Variants in MAPKAP1 observed in about 807,000 individuals in gnomAD.
The protein encoded by MAPKAP1 is target of rapamycin complex 2 subunit MAPKAP1.
A neutral mutation model predicts 65.7 loss-of-function variants in MAPKAP1; 20 were observed. The observed-to-expected ratio is 0.30, with a 90% CI of 0.21 to 0.44. MAPKAP1 has a LOEUF of 0.44. Among genes scored for constraint, MAPKAP1 ranks in the 20% least tolerant of loss-of-function variants. The pLI, the probability that MAPKAP1 is intolerant of heterozygous loss-of-function variation, is 1.00. For synonymous variants in MAPKAP1, 222 were observed against 244.3 expected, an observed-to-expected ratio of 0.91 and a Z score of 0.85; for missense variants, 423 against 648.0, an observed-to-expected ratio of 0.65 and a Z score of 3.77.
intron 7 of MAPKAP1, among the ~76,000 whole-genome samples, chr9:125,508,610 G>A (rs188232282): frequency 2.6e-4 from 39 of 152,246 alleles, no homozygotes; most frequent in Admixed American, 4.6e-4. Flanking sequence ...CAGCGCTTTG[G>A]GGGAGCCAAG....
At chr9:125,698,333 A>G (rs1835490954) in intron 1 of MAPKAP1, among the ~76,000 whole-genome samples, 1 of 105,448 alleles carries the variant, frequency 9.5e-6, no homozygotes, top group Non-Finnish European at 1.9e-5. Context: ...ATATATATAT[A>G]TATAAAATAT....
At chr9:125,674,208 T>G (rs1404056335) in intron 1 of MAPKAP1, among the ~76,000 whole-genome samples, 1 of 151,876 alleles carries the variant, frequency 6.6e-6, no homozygotes, top group African/African-American at 2.4e-5. Flanking sequence ...CAGGAGATAA[T>G]GCAGGTAAAA....
intron 1 of MAPKAP1, among the ~76,000 whole-genome samples, chr9:125,691,133 C>T (rs982502778): frequency 7.2e-5 from 11 of 151,994 alleles, no homozygotes; most frequent in East Asian, 1.9e-4. Flanking sequence ...TGGTGGCGGG[C>T]GCCTGTAGTC....
chr9:125,609,153 C>A (rs1832524963), intron 4 of MAPKAP1, among the ~76,000 whole-genome samples: 1 of 152,142 alleles, frequency 6.6e-6, no homozygotes, highest in Non-Finnish European at 1.5e-5. Context: ...GCAACTGTGT[C>A]ATTTTTTAAT....
Position 125,439,904 on chromosome 9 carries a change from G to A in MAPKAP1, c.1444-892C>T, listed in dbSNP as rs1354977042. ...AGGAATGGGGCTGAGTATCAGGGAGGTGTGGAGGAGGGAAGGCTTCCAGAG... is the reference window on the plus strand; with the variant it reads ...AGGAATGGGGCTGAGTATCAGGGAGATGTGGAGGAGGGAAGGCTTCCAGAG... On this transcript the variant is annotated intron_variant, in intron 11 of 11. Coordinates refer to ENST00000265960, the MANE Select transcript of MAPKAP1 (RefSeq NM_001006617.3). The surrounding 1 kb of genome is among the most constrained non-coding windows in gnomAD (Gnocchi z 4.0). 6.6e-6 allele frequency among the ~76,000 whole-genome samples: 1 copy of A among 152,264 alleles called. No homozygotes were observed. The highest frequency in any genetic ancestry group is 6.5e-5 in the Admixed American group (1 of 15,292).
intron 4 of MAPKAP1, among the ~76,000 whole-genome samples, chr9:125,624,646 C>T (rs1432820431): frequency 3.1e-3 from 203 of 65,620 alleles, no homozygotes; most frequent in Admixed American, 5.9e-3. Context: ...CGGCCAGCCG[C>T]CCCGTCCGGG....
intron 10 of MAPKAP1, among the ~76,000 whole-genome samples, chr9:125,445,240 CA>C: frequency 6.6e-6 from 1 of 152,332 alleles, no homozygotes; most frequent in South Asian, 2.1e-4. Context: ...CTCCATTCTC[CA>C]TGCCCCGTCC....
chr9:125,576,976 G>GCC (rs1831426651), intron 5 of MAPKAP1, among the ~76,000 whole-genome samples: 1 of 151,264 alleles, frequency 6.6e-6, no homozygotes, highest in Admixed American at 6.6e-5. Context: ...CTGCCTGGCC[G>GCC]CCCATCGTCT....
intron 1 of MAPKAP1, among the ~76,000 whole-genome samples, chr9:125,698,316 T>A (rs796993595): frequency 0.29 from 25,178 of 86,598 alleles, 4,169 homozygotes; most frequent in Middle Eastern, 0.38. Flanking sequence ...TATATATATA[T>A]ATATATATAT....
intron 7 of MAPKAP1, among the ~76,000 whole-genome samples, chr9:125,529,177 G>GAAA (rs764136309): frequency 1.0e-5 from 1 of 99,756 alleles, no homozygotes; most frequent in Non-Finnish European, 1.9e-5. Context: ...TCTATCTCAG[G>GAAA]AAAAAAAAAA....
At position 125,663,545 on chromosome 9, in the gene MAPKAP1, C is replaced by T. The variant is rs374400887; in HGVS notation, c.350-5746G>A. ...TGTTTACTGTTTATCTACCCCCAAT[C>T]GAATATAAGCCCCATGAAGACAAGG... On this transcript the variant is annotated intron_variant, in intron 3 of 11. Transcript: ENST00000265960. Among the ~76,000 whole-genome samples, 4 of 152,244 alleles carry T rather than the reference C, an allele frequency of 2.6e-5. No individual in the cohort carries two copies. The East Asian group carries it at 7.7e-4, about 29-fold the overall frequency.
At chr9:125,613,826 C>T (rs1832670621) in intron 4 of MAPKAP1, among the ~76,000 whole-genome samples, 1 of 150,754 alleles carries the variant, frequency 6.6e-6, no homozygotes, top group African/African-American at 2.4e-5. Flanking sequence ...AAGACGGAGT[C>T]TCGCTCTGTC....
At chr9:125,630,672 C>T (rs777316722) in intron 4 of MAPKAP1, among the ~76,000 whole-genome samples, 2 of 152,154 alleles carry the variant, frequency 1.3e-5, no homozygotes, top group Non-Finnish European at 2.9e-5. Flanking sequence ...AACACCTCTG[C>T]TATGGTTTGG....
intron 6 of MAPKAP1, among the ~76,000 whole-genome samples, chr9:125,556,400 G>A (rs1027302612): frequency 2.6e-5 from 4 of 152,338 alleles, no homozygotes; most frequent in African/African-American, 9.6e-5. Context: ...TTTCAGCAGA[G>A]GGTTGGAAAG....
intron 5 of MAPKAP1, among the ~76,000 whole-genome samples, chr9:125,573,662 A>G (rs1013826250): frequency 6.6e-6 from 1 of 152,142 alleles, no homozygotes; most frequent in Non-Finnish European, 1.5e-5. Flanking sequence ...TCCTGTAACA[A>G]TCCCACTCTG....
chr9:125,543,695 A>T (rs1830329913), intron 6 of MAPKAP1, among the ~76,000 whole-genome samples: 1 of 152,214 alleles, frequency 6.6e-6, no homozygotes, highest in African/African-American at 2.4e-5. Context: ...TTCTAGCGTG[A>T]GCAGTTCCAT....
intron 6 of MAPKAP1, among the ~76,000 whole-genome samples, chr9:125,555,744 T>C (rs1167783759): frequency 6.6e-6 from 1 of 152,230 alleles, no homozygotes; most frequent in Non-Finnish European, 1.5e-5. Context: ...GTTAATGGTC[T>C]TGCTACTAAC....
chr9:125,606,173 T>C (rs980849418), intron 4 of MAPKAP1, among the ~76,000 whole-genome samples: 6 of 152,104 alleles, frequency 3.9e-5, no homozygotes, highest in Non-Finnish European at 8.8e-5. Flanking sequence ...AGTGGTCTCC[T>C]AATCTTTTAA....
intron 10 of MAPKAP1, among the ~76,000 whole-genome samples, chr9:125,449,004 C>CAAAAAAAAAAAAAAAAAAAAAAAAAAA (rs11358978): frequency 1.1e-5 from 1 of 89,056 alleles, no homozygotes. Flanking sequence ...GACTCTGTCT[C>CAAAAAAAAAAAAAAAAAAAAAAAAAAA]AAAAAAAAAA....
Sources: allele counts gnomAD v4.1 joint callset (sites outside exome capture counted in the v4.1 genomes callset), GRCh38; gene constraint gnomAD v4.1.1; non-coding constraint Gnocchi (gnomAD v3.1); transcripts MANE v1.5; gene names NCBI Gene and HGNC (gene_info 2026-07-23, HGNC 2026-07-21).